The following MGRN1 variants were observed in gnomAD, a reference collection of about 807,000 sequenced individuals.
MGRN1 encodes the protein E3 ubiquitin-protein ligase MGRN1.
MGRN1 carries 29 observed loss-of-function variants against 69.2 expected under a neutral mutation model. The ratio of observed to expected loss-of-function variants is 0.42; its 90% CI spans 0.31 to 0.57. MGRN1 has a LOEUF of 0.57. MGRN1 is among the 20% of genes least tolerant of loss of function. The pLI, the probability that MGRN1 is intolerant of heterozygous loss-of-function variation, is 0.15. For synonymous variants in MGRN1, 470 were observed against 344.2 expected (o/e 1.37, Z -4.04); for missense variants, 998 against 796.2 (o/e 1.25, Z -3.05).
At position 4,651,987 on chromosome 16, in the gene MGRN1, C is replaced by A. The variant is rs202163970; in HGVS notation, c.232C>A (p.His78Asn). 36 of 1,614,024 alleles carry A rather than the reference C, an allele frequency of 2.2e-5. No individual in the cohort carries two copies. The Admixed American group carries it at 2.7e-4, about 12-fold the overall frequency. The stretch of plus-strand genomic sequence containing the variant: ...GTTTCCCTACGTCACTCCTGCCCCC[C>A]ACGAGCCCGTGAAGACGCTGCGGAG... ...VQFPYVTPAP[H>N]EPVKTLRSLV... Residue 78 changes from histidine (H) to asparagine (N), a missense_variant, in exon 3 of 17, where the codon CAC (histidine) becomes AAC (asparagine). Transcript: ENST00000262370.
At chr16:4,675,564 C>T (rs890589255) in intron 10 of MGRN1, among the ~76,000 whole-genome samples, 2 of 151,972 alleles carry the variant, frequency 1.3e-5, no homozygotes, top group Non-Finnish European at 2.9e-5. Context: ...CATGGCGAAA[C>T]CCCATCTGTA....
intron 8 of MGRN1, among the ~76,000 whole-genome samples, chr16:4,670,145 A>G (rs529036950): frequency 6.6e-6 from 1 of 151,890 alleles, no homozygotes; most frequent in African/African-American, 2.4e-5. Flanking sequence ...GCTCACTTCA[A>G]CCTCTGTCTC....
At position 4,689,149 on chromosome 16, in the gene MGRN1, G is replaced by T; in HGVS notation, c.*241G>T. 1.9e-6 allele frequency: 1 copy of T among 528,440 alleles called. No individual in the cohort carries two copies. Among genetic ancestry groups the T allele is most frequent in the Non-Finnish European group, 3.1e-6 (1 of 324,480 alleles). The allele number at this position is 528,440 out of a possible 1,614,324, so 32.7% of individuals were successfully genotyped here. ...GAAGGACAGCAGCTTTCCATCCCTA[G>T]TTCAGAGCCCCCGTTCCCCAGGGTC... On this transcript the variant is annotated 3_prime_UTR_variant, in exon 17 of 17. Coordinates refer to ENST00000262370, the MANE Select transcript of MGRN1 (RefSeq NM_015246.4).
At chr16:4,626,286 C>G (rs1266751249) in intron 1 of MGRN1, among the ~76,000 whole-genome samples, 1 of 152,228 alleles carries the variant, frequency 6.6e-6, no homozygotes, top group Non-Finnish European at 1.5e-5. Flanking sequence ...GTATCCCAGG[C>G]CCAGCAGCGG....
At chr16:4,657,519 G>C (rs561241461) in intron 5 of MGRN1, among the ~76,000 whole-genome samples, 156 bp downstream of exon 5, 2 of 152,326 alleles carry the variant, frequency 1.3e-5, no homozygotes, top group Non-Finnish European at 2.9e-5. Context: ...TGGACGTGTG[G>C]ATGGGCGGGA....
chr16:4,655,176 G>C (rs1461725495), intron 4 of MGRN1, among the ~76,000 whole-genome samples: 1 of 152,132 alleles, frequency 6.6e-6, no homozygotes, highest in African/African-American at 2.4e-5. Flanking sequence ...AGGTGTCCAG[G>C]GGCTGCCACA....
intron 4 of MGRN1, among the ~76,000 whole-genome samples, 155 bp downstream of exon 4, chr16:4,652,979 C>T (rs918315631): frequency 5.9e-5 from 9 of 152,156 alleles, no homozygotes; most frequent in African/African-American, 1.9e-4. Context: ...TTTCTCCCAC[C>T]CCAGGGACTC....
At chr16:4,638,719 T>C (rs1409779068) in intron 1 of MGRN1, among the ~76,000 whole-genome samples, 2 of 152,226 alleles carry the variant, frequency 1.3e-5, no homozygotes, top group African/African-American at 4.8e-5. Context: ...GCAGCTGATT[T>C]TGTGAGACTG....
intron 4 of MGRN1, among the ~76,000 whole-genome samples, chr16:4,655,779 G>C (rs930372651): frequency 1.3e-5 from 2 of 152,248 alleles, no homozygotes; most frequent in African/African-American, 2.4e-5. Flanking sequence ...CAGCCTGCCA[G>C]TGCTCCATCC....
chr16:4,642,153 G>C (rs918039111), intron 1 of MGRN1, among the ~76,000 whole-genome samples: 2 of 116,488 alleles, frequency 1.7e-5, no homozygotes, highest in Non-Finnish European at 3.6e-5. Flanking sequence ...TTTTAAAAAA[G>C]ACCGTCTTGC....
At chr16:4,648,101 T>G (rs1304019201) in intron 1 of MGRN1, among the ~76,000 whole-genome samples, 1 of 152,122 alleles carries the variant, frequency 6.6e-6, no homozygotes, top group African/African-American at 2.4e-5. Context: ...TGAGAAGGAA[T>G]AGGGATTCTG....
chr16:4,642,660 A>G (rs552028319), intron 1 of MGRN1, among the ~76,000 whole-genome samples: 2 of 151,490 alleles, frequency 1.3e-5, no homozygotes, highest in Non-Finnish European at 1.5e-5. Flanking sequence ...AGACTTTCCC[A>G]TGTTGGCCAG....
chr16:4,638,871 A>G (rs2078092622), intron 1 of MGRN1, among the ~76,000 whole-genome samples: 1 of 152,166 alleles, frequency 6.6e-6, no homozygotes, highest in Non-Finnish European at 1.5e-5. Context: ...GAGGCAGCCC[A>G]GTGAAGTCCA....
chr16:4,652,262 C>T (rs1189138979), intron 3 of MGRN1, among the ~76,000 whole-genome samples: 1 of 152,154 alleles, frequency 6.6e-6, no homozygotes, highest in East Asian at 1.9e-4. Flanking sequence ...CTGTGCCGCA[C>T]AGGGACCCTG....
At chr16:4,686,011 T>C (rs1014812468) in intron 16 of MGRN1, among the ~76,000 whole-genome samples, 2 of 152,198 alleles carry the variant, frequency 1.3e-5, no homozygotes, top group South Asian at 2.1e-4. Context: ...TCATGCGCCC[T>C]TCCCTAGGCT....
intron 9 of MGRN1, chr16:4,672,335 A>T (rs979079477): frequency 2.2e-6 from 1 of 456,574 alleles, no homozygotes; most frequent in African/African-American, 2.0e-5. Context: ...GCCTGAGACC[A>T]CCACGCCTGG....
At chr16:4,641,634 T>G (rs767316067) in intron 1 of MGRN1, among the ~76,000 whole-genome samples, 1 of 151,972 alleles carries the variant, frequency 6.6e-6, no homozygotes, top group Non-Finnish European at 1.5e-5. Flanking sequence ...TTCTCCTGCC[T>G]TAGCCTCCTG....
In MGRN1 at chr16:4,642,146, T is replaced by TTA. The variant is rs1555448326; in HGVS notation, c.89-8219_89-8218insTA. ...TTGGTTCCTTTTTTTTTTTTTTTTT[T>TTA]AAAAAAGACCGTCTTGCTCTTTCGC... is the stretch of plus-strand genomic sequence containing the variant. On this transcript the variant is annotated intron_variant, in intron 1 of 16. Transcript: ENST00000262370. Among the ~76,000 whole-genome samples the TTA allele has an allele frequency of 9.8e-3, 1,454 of 147,782 alleles. 13 individuals are homozygous for TTA. Among genetic ancestry groups the TTA allele is most frequent in the Middle Eastern group, 0.014 (4 of 282 alleles).
intron 14 of MGRN1, 63 bp downstream of exon 14, chr16:4,683,009 G>A (rs1415798956): frequency 2.7e-6 from 4 of 1,489,500 alleles, no homozygotes; most frequent in African/African-American, 2.8e-5. Flanking sequence ...AGCTTCTGTC[G>A]CTGGAATCAG....
Sources: gnomAD v4.1 joint callset for allele counts (sites outside exome capture counted in the v4.1 genomes callset) on GRCh38, gnomAD v4.1.1 for gene constraint, MANE v1.5 for transcripts, NCBI Gene and HGNC (gene_info 2026-07-23, HGNC 2026-07-21) for gene names.